LRIG2: variants seen among roughly 807,000 people sequenced by gnomAD.
The protein encoded by LRIG2 is leucine rich repeats and immunoglobulin like domains 2.
Under a neutral mutation model 107.8 loss-of-function variants are expected in LRIG2, and 93 were observed. The ratio of observed to expected loss-of-function variants is 0.86; its 90% CI spans 0.73 to 1.03. The LOEUF (loss-of-function observed/expected upper bound fraction) is 1.03. LRIG2 is among the 50% of genes least tolerant of loss of function. The probability of loss-of-function intolerance (pLI) is 0.00; values close to 1 mark genes in which losing one functional copy is unlikely to be tolerated. For missense variants in LRIG2, 1,226 were observed against 1,296.0 expected (o/e 0.95, Z 0.83); for synonymous variants, 471 against 470.6 (o/e 1.00, Z -0.01).
At chr1:113,113,706 G>T (rs1378658654) in intron 14 of LRIG2, among the ~76,000 whole-genome samples, 1 of 151,938 alleles carries the variant, frequency 6.6e-6, no homozygotes, top group Non-Finnish European at 1.5e-5. Flanking sequence ...GGTACTACAG[G>T]CATGTACCAC....
chr1:113,086,617 C>T (rs966157376), intron 1 of LRIG2, among the ~76,000 whole-genome samples: 2 of 152,152 alleles, frequency 1.3e-5, no homozygotes, highest in African/African-American at 4.8e-5. Context: ...AATTAGCTTG[C>T]TGAACTTGAT....
chr1:113,120,010 A>T (rs1195733232), intron 17 of LRIG2, among the ~76,000 whole-genome samples: 1 of 151,814 alleles, frequency 6.6e-6, no homozygotes, highest in East Asian at 2.0e-4. Context: ...GGGTTTAACC[A>T]TGTTGGCCAG....
chr1:113,110,127 A>G (rs764137297), intron 12 of LRIG2, 115 bp from the exon 13 acceptor site: 1 of 732,708 alleles, frequency 1.4e-6, no homozygotes, highest in Non-Finnish European at 2.2e-6. Flanking sequence ...GTCTCTTTCA[A>G]CTTTAATATG....
chr1:113,086,830 A>G (rs1465932111), intron 1 of LRIG2, among the ~76,000 whole-genome samples: 2 of 152,168 alleles, frequency 1.3e-5, no homozygotes, highest in Non-Finnish European at 2.9e-5. Flanking sequence ...CCTCTGAGAG[A>G]CCTTTACTCC....
chr1:113,122,546 C>CA (rs1276850806), intron 17 of LRIG2, among the ~76,000 whole-genome samples: 1 of 152,148 alleles, frequency 6.6e-6, no homozygotes, highest in Non-Finnish European at 1.5e-5. Flanking sequence ...AGAGTTAATA[C>CA]AAAAAGGGTT....
rs1047072467 is a variant in LRIG2 at position 113,124,515 on chromosome 1, T to C, written c.*414T>C. ...TGCTTTCCAAGGAGCAAAAATAACT[T>C]TGGAGCCTTCTGGGAAGTGTGCCTG... is the stretch of plus-strand genomic sequence containing the variant. On this transcript the variant is annotated 3_prime_UTR_variant, in exon 18 of 18. Coordinates refer to ENST00000361127, the MANE Select transcript of LRIG2 (RefSeq NM_014813.3). The C allele has an allele frequency of 5.1e-6, 1 of 194,556 alleles. No homozygotes were observed. 12.1% of individuals were successfully genotyped at this position (194,556 alleles called of 1,614,324 possible). A position where few individuals can be genotyped will look rare whatever the true frequency, so the allele number is the denominator to read the frequency against.
At chr1:113,087,506 G>C (rs1653609997) in intron 1 of LRIG2, among the ~76,000 whole-genome samples, 1 of 152,024 alleles carries the variant, frequency 6.6e-6, no homozygotes, top group Admixed American at 6.6e-5. Context: ...TTGCCACCAT[G>C]CCTGGCTAAT....
Position 113,094,628 on chromosome 1 carries a change from A to G in LRIG2, c.676A>G (p.Arg226Gly), listed in dbSNP as rs780327910. ...HLQFLELKRNRIKIVEGLTFQ... is the reference protein window; with the variant it reads ...HLQFLELKRNGIKIVEGLTFQ... ...TTGTTAAAGGGAACTTAAAAGAAAC[A>G]GAATTAAAATTGTGGAAGGTCTTAC... The change falls in exon 6 of 18, where the codon AGA becomes GGA. Residue 226 changes from arginine to glycine, a missense_variant. Transcript: ENST00000361127. 3 of 1,612,500 alleles carry G rather than the reference A, an allele frequency of 1.9e-6. No homozygotes were observed. The highest frequency in any genetic ancestry group is 2.5e-6 in the Non-Finnish European group (3 of 1,179,240).
chr1:113,114,964 C>G, intron 15 of LRIG2, 88 bp downstream of exon 15: 1 of 1,146,146 alleles, frequency 8.7e-7, no homozygotes, highest in African/African-American at 1.5e-5. Flanking sequence ...AAACTGAGAG[C>G]TGGTCATAGT....
chr1:113,100,116 C>T (rs990846622), intron 9 of LRIG2, 95 bp from the exon 10 acceptor site: 8 of 642,534 alleles, frequency 1.2e-5, no homozygotes, highest in South Asian at 5.4e-5. Flanking sequence ...TAAAAAAGTA[C>T]GCTACGCTTA....
At chr1:113,112,419 A>T in intron 13 of LRIG2, 60 bp from the exon 14 acceptor site, 1 of 1,458,114 alleles carries the variant, frequency 6.9e-7, no homozygotes. Flanking sequence ...GCCTATTTGT[A>T]TGCATATATG....
intron 1 of LRIG2, among the ~76,000 whole-genome samples, chr1:113,078,685 G>A (rs1653106803): frequency 6.7e-6 from 1 of 148,666 alleles, no homozygotes; most frequent in East Asian, 2.0e-4. Flanking sequence ...TTGTTGCTTA[G>A]GCTGGAGTGC....
At position 113,119,524 on chromosome 1, in the gene LRIG2, G is replaced by A; in HGVS notation, c.2971+1G>A. The A allele has an allele frequency of 6.2e-7, 1 of 1,611,736 alleles. No homozygotes were observed. Among genetic ancestry groups the A allele is most frequent in the Non-Finnish European group, 8.5e-7 (1 of 1,178,934 alleles). ...CTTCCCTCCACACAGATGAGCGGTG[G>A]TAAGGGATGTATTTTTGTTGTTATT... On this transcript the variant is annotated splice_donor_variant, in intron 17 of 17. Coordinates refer to ENST00000361127, the MANE Select transcript of LRIG2 (RefSeq NM_014813.3). LOFTEE classifies it high-confidence loss of function.
At chr1:113,119,070 TAATGAATCAATTCACAGAA>T (rs1227320001) in intron 16 of LRIG2, among the ~76,000 whole-genome samples, 144 bp from the exon 17 acceptor site, 1 of 152,184 alleles carries the variant, frequency 6.6e-6, no homozygotes, top group Non-Finnish European at 1.5e-5. Context: ...TTGTGAGGAT[TAATGAATCAATTCACAGAA>T]ATGGCTTGAA....
rs1247172986 is a variant in LRIG2 at position 113,129,269 on chromosome 1, C to T, written c.*5168C>T. 1 of 139,160 alleles carries T rather than the reference C, an allele frequency of 7.2e-6. No individual in the cohort carries two copies. Among genetic ancestry groups the T allele is most frequent in the Non-Finnish European group, 1.5e-5 (1 of 66,182 alleles). 8.6% of individuals were successfully genotyped at this position (139,160 alleles called of 1,614,324 possible). A position where few individuals can be genotyped will look rare whatever the true frequency, so the allele number is the denominator to read the frequency against. Reference sequence around the variant, plus strand: ...GAGGTTGCAGTGAGCCGAGATTGCACCACTGCACTCCAGCCTGGTGACAGA... The same window carrying T: ...GAGGTTGCAGTGAGCCGAGATTGCATCACTGCACTCCAGCCTGGTGACAGA... On this transcript the variant is annotated 3_prime_UTR_variant, in exon 18 of 18. Coordinates refer to ENST00000361127, the MANE Select transcript of LRIG2 (RefSeq NM_014813.3).
In LRIG2 at chr1:113,127,433, T is replaced by C. The variant is rs1281109875; in HGVS notation, c.*3332T>C. On this transcript the variant is annotated 3_prime_UTR_variant, in exon 18 of 18. Coordinates refer to ENST00000361127, the MANE Select transcript of LRIG2 (RefSeq NM_014813.3). ...TTTTAGTAGAGATGGGGTTTCACCA[T>C]GTTGGCCAGGCTGGTCTTGAACTCC... 3 of 150,064 alleles carry C rather than the reference T, an allele frequency of 2.0e-5. No individual in the cohort carries two copies. The highest frequency in any genetic ancestry group is 6.7e-5 in the Admixed American group (1 of 14,986). 9.3% of individuals were successfully genotyped at this position (150,064 alleles called of 1,614,324 possible). A position where few individuals can be genotyped will look rare whatever the true frequency, so the allele number is the denominator to read the frequency against.
At chr1:113,074,913 A>AG (rs1260417352) in intron 1 of LRIG2, among the ~76,000 whole-genome samples, 10 of 6,070 alleles carry the variant, frequency 1.6e-3, no homozygotes, top group South Asian at 0.021. Context: ...GTCTGGGGGG[A>AG]GGGAGGGTCG....
At chr1:113,080,095 A>G (rs987846085) in intron 1 of LRIG2, among the ~76,000 whole-genome samples, 1 of 135,032 alleles carries the variant, frequency 7.4e-6, no homozygotes, top group South Asian at 2.3e-4. Flanking sequence ...ATCTCGGCTC[A>G]CTGCAACCTC....
intron 1 of LRIG2, among the ~76,000 whole-genome samples, chr1:113,082,593 G>A (rs1320074857): frequency 2.6e-5 from 4 of 152,230 alleles, no homozygotes; most frequent in African/African-American, 9.6e-5. Flanking sequence ...AGGAGTGAGA[G>A]AGAGAGTTGT....
Sources: allele counts gnomAD v4.1 joint callset (sites outside exome capture counted in the v4.1 genomes callset), GRCh38; gene constraint gnomAD v4.1.1; transcripts MANE v1.5; gene names NCBI Gene and HGNC (gene_info 2026-07-23, HGNC 2026-07-21).